MYH14: variants seen among roughly 807,000 people sequenced by gnomAD.
MYH14 encodes the protein myosin-14.
MYH14 carries 123 observed loss-of-function variants against 255.5 expected under a neutral mutation model. The ratio of observed to expected loss-of-function variants is 0.48; its 90% confidence interval spans 0.42 to 0.56. The LOEUF is 0.56. Ranked by LOEUF, MYH14 falls within the 20% of genes least tolerant of loss-of-function variation. MYH14 has a pLI of 0.00. For missense variants in MYH14, 2,423 were observed against 2,802.3 expected, an observed-to-expected ratio of 0.86 and a Z score of 3.06; for synonymous variants, 1,095 against 1,161.2, an observed-to-expected ratio of 0.94 and a Z score of 1.16.
intron 32 of MYH14, 33 bp from the exon 33 acceptor site, chr19:50,281,561 G>A (rs1007693326): frequency 6.5e-7 from 1 of 1,542,558 alleles, no homozygotes; most frequent in Non-Finnish European, 8.7e-7. Context: ...TCATGGCCGT[G>A]ACCACCAACC....
At position 50,236,419 on chromosome 19, in the gene MYH14, C is replaced by T. The variant is rs183275818; in HGVS notation, c.1114+4349C>T. 4.8e-3 allele frequency among the ~76,000 whole-genome samples: 722 copies of T among 150,468 alleles called. 7 individuals are homozygous for T. The highest frequency in any genetic ancestry group is 8.1e-3 in the Non-Finnish European group (550 of 67,496). Reference sequence around the variant, plus strand: ...GACCTGTAGGTTCAATTCTTAGAAACGAAATGCCAGCTGGGCGCGGTGGCT... The same window carrying T: ...GACCTGTAGGTTCAATTCTTAGAAATGAAATGCCAGCTGGGCGCGGTGGCT... On this transcript the variant is annotated intron_variant, in intron 10 of 42. Coordinates refer to ENST00000642316, the MANE Select transcript of MYH14 (RefSeq NM_001145809.2).
chr19:50,281,533 A>G (rs1190591743), intron 32 of MYH14, 61 bp from the exon 33 acceptor site: 2 of 1,513,398 alleles, frequency 1.3e-6, no homozygotes, highest in African/African-American at 1.4e-5. Flanking sequence ...GAGCACCACC[A>G]GCTTACACCT....
chr19:50,239,689 A>T (rs1186717283), intron 10 of MYH14, among the ~76,000 whole-genome samples: 1 of 152,114 alleles, frequency 6.6e-6, no homozygotes, highest in East Asian at 1.9e-4. Context: ...AGCTGGGACT[A>T]CAGGTGCCTG....
Position 50,264,965 on chromosome 19 carries a change from C to T in MYH14, c.2694+1545C>T, listed in dbSNP as rs142408097. Among the ~76,000 whole-genome samples, 5 of 152,280 alleles carry T rather than the reference C, an allele frequency of 3.3e-5. No individual in the cohort carries two copies. In the East Asian group the frequency reaches 7.7e-4, roughly 24 times the overall value. On this transcript the variant is annotated intron_variant, in intron 22 of 42. Coordinates refer to ENST00000642316, the MANE Select transcript of MYH14 (RefSeq NM_001145809.2). ...GGGGGCAGTAATGTAATTCTGAATA[C>T]GATGTCTGAGAGATCAGCCTGCATT...
chr19:50,289,371 T>C, intron 34 of MYH14, 65 bp from the exon 35 acceptor site: 1 of 1,341,356 alleles, frequency 7.5e-7, no homozygotes. Context: ...TCCCCTACTC[T>C]AGCTAGGCTC....
intron 10 of MYH14, among the ~76,000 whole-genome samples, chr19:50,235,019 T>C (rs1469213115): frequency 6.6e-6 from 1 of 152,172 alleles, no homozygotes; most frequent in Non-Finnish European, 1.5e-5. Flanking sequence ...CCACAGCTGA[T>C]GTTCAGCTGT....
At position 50,230,403 on chromosome 19, in the gene MYH14, G is replaced by C; in HGVS notation, c.875-122G>C. On this transcript the variant is annotated intron_variant, in intron 8 of 42. Transcript: ENST00000642316. The surrounding 1 kb of genome is among the most constrained non-coding windows in gnomAD (Gnocchi z 4.7). ...AGTGGCAAAGTCACCAGCCTGGGCTGTGAGCGACTCCACTACACCACAGGA... is the reference window on the plus strand; with the variant it reads ...AGTGGCAAAGTCACCAGCCTGGGCTCTGAGCGACTCCACTACACCACAGGA... 5 of 843,772 alleles carry C rather than the reference G, an allele frequency of 5.9e-6. No individual in the cohort carries two copies. 52.3% of individuals were successfully genotyped at this position (843,772 alleles called of 1,614,324 possible).
Position 50,276,826 on chromosome 19 carries a change from G to A in MYH14, c.3750G>A (p.Ala1250=), listed in dbSNP as rs777587978. ...AGGAGGAGACTCGCATCCACGAGGC[G>A]GCAGTGCAGGAGCTGAGGCAGCGCC... ...TLEEETRIHE[A]AVQELRQRHG... The change falls in exon 29 of 43, where the codon GCG becomes GCA. Residue 1250 remains alanine, a synonymous_variant. Transcript: ENST00000642316. This position sits in a 1 kb window ranked among gnomAD's most constrained non-coding sequence, Gnocchi z 4.3. 5.6e-6 allele frequency: 9 copies of A among 1,612,904 alleles called. No homozygotes were observed. The highest frequency in any genetic ancestry group is 2.7e-5 in the African/African-American group (2 of 74,860).
rs1425668670 is a variant in MYH14 at position 50,250,805 on chromosome 19, C to A, written c.1830+117C>A. 2.7e-6 allele frequency: 3 copies of A among 1,102,104 alleles called. No homozygotes were observed. Among genetic ancestry groups the A allele is most frequent in the Non-Finnish European group, 2.6e-6 (2 of 772,950 alleles). The allele number at this position is 1,102,104 out of a possible 1,614,324, so 68.3% of individuals were successfully genotyped here. A position where few individuals can be genotyped will look rare whatever the true frequency, so the allele number is the denominator to read the frequency against. ...AGGGTCCTCCTGAGGTCCAGACAAACAGAGCAGGGGCTAGGAGAGCCCAGG... is the reference window on the plus strand; with the variant it reads ...AGGGTCCTCCTGAGGTCCAGACAAAAAGAGCAGGGGCTAGGAGAGCCCAGG... On this transcript the variant is annotated intron_variant, in intron 15 of 42. Coordinates refer to ENST00000642316, the MANE Select transcript of MYH14 (RefSeq NM_001145809.2). The surrounding 1 kb of genome is among the most constrained non-coding windows in gnomAD (Gnocchi z 5.4).
chr19:50,303,416 G>C (rs2036557930), intron 40 of MYH14, among the ~76,000 whole-genome samples: 1 of 152,168 alleles, frequency 6.6e-6, no homozygotes, highest in African/African-American at 2.4e-5. Context: ...GGTTCTAAGA[G>C]CAAGGGAAAG....
chr19:50,309,263 A>G (rs2036762396), intron 42 of MYH14, 86 bp downstream of exon 42: 3 of 1,343,816 alleles, frequency 2.2e-6, no homozygotes, highest in Non-Finnish European at 3.2e-6. Flanking sequence ...GCCAGGGGCA[A>G]CAACAGGGGG....
At chr19:50,281,910 A>T in intron 33 of MYH14, 68 bp downstream of exon 33, 1 of 1,532,548 alleles carries the variant, frequency 6.5e-7, no homozygotes, top group Non-Finnish European at 8.9e-7. Flanking sequence ...GGTCGTTGTG[A>T]GGAACCAGTA....
chr19:50,249,872 C>T, intron 14 of MYH14, 49 bp downstream of exon 14: 1 of 1,603,130 alleles, frequency 6.2e-7, no homozygotes, highest in Non-Finnish European at 8.5e-7. Flanking sequence ...AGATCCGTCT[C>T]TCCCAGCATC....
chr19:50,272,446 TAAGG>T, intron 26 of MYH14, 110 bp from the exon 27 acceptor site: 1 of 1,107,986 alleles, frequency 9.0e-7, no homozygotes, highest in South Asian at 1.3e-5. Flanking sequence ...GAGAAGGCGT[TAAGG>T]GAGGTGCTGA....
Position 50,225,685 on chromosome 19 carries a change from CCAGGGGTGGGCAGTGCTGGCTGTGT to C in MYH14, c.810+14_810+38del, listed in dbSNP as rs578137368. 1.1e-4 allele frequency: 183 copies of C among 1,609,414 alleles called. No individual in the cohort carries two copies. In the African/African-American group the frequency reaches 1.9e-3, roughly 17 times the overall value. ...GACAACTCCTCCCGATTCGTGAGTG[CCAGGGGTGGGCAGTGCTGGCTGTGT>C]CAGGGATACAGGAGCTGGGAACCTC... On this transcript the variant is annotated intron_variant, in intron 7 of 42. Transcript: ENST00000642316.
In MYH14 at chr19:50,244,349, G is replaced by A. The variant is rs367560074; in HGVS notation, c.1210+12G>A. On this transcript the variant is annotated intron_variant, in intron 11 of 42. Transcript: ENST00000642316. ...GCCTGACAACACAGGTACTGCCCCC[G>A]GCCTGCCTGCCCACGACCTCCAGCC... 278 of 1,611,540 alleles carry A rather than the reference G, an allele frequency of 1.7e-4. No homozygotes were observed. Among genetic ancestry groups the A allele is most frequent in the Non-Finnish European group, 2.1e-4 (253 of 1,179,116 alleles).
intron 10 of MYH14, among the ~76,000 whole-genome samples, chr19:50,237,528 G>A (rs4447538): frequency 0.96 from 146,530 of 152,008 alleles, 70,677 homozygotes; most frequent in African/African-American, 0.99. Flanking sequence ...GGGTTTCACC[G>A]TGTTGGCCAG....
chr19:50,286,755 A>G (rs746599566), intron 34 of MYH14, 61 bp downstream of exon 34: 3 of 1,417,036 alleles, frequency 2.1e-6, no homozygotes, highest in Non-Finnish European at 2.9e-6. Flanking sequence ...ACATGCATGT[A>G]TGCTTTCACA....
rs867607264 is a variant in MYH14 at position 50,272,686 on chromosome 19, C to A, written c.3422C>A (p.Ala1141Asp). Residue 1141 changes from alanine to aspartate, a missense_variant, in exon 27 of 43, where the codon GCC (alanine) becomes GAC (aspartate). Ala to Asp is a moderately radical substitution (Grantham distance 126). Coordinates refer to ENST00000642316, the MANE Select transcript of MYH14 (RefSeq NM_001145809.2). ...CAACAGCGGGCAGAGGAGCTGCGGGCCCAGCTGGGCCGGAAGGAGGAGGAG... is the reference window on the plus strand; with the variant it reads ...CAACAGCGGGCAGAGGAGCTGCGGGACCAGCTGGGCCGGAAGGAGGAGGAG... ...EQQQRAEELR[A>D]QLGRKEEELQ... The A allele has an allele frequency of 6.4e-7, 1 of 1,552,554 alleles. No individual in the cohort carries two copies. Among genetic ancestry groups the A allele is most frequent in the Non-Finnish European group, 8.7e-7 (1 of 1,148,576 alleles).
Sources: gnomAD v4.1 joint callset for allele counts (sites outside exome capture counted in the v4.1 genomes callset) on GRCh38, gnomAD v4.1.1 for gene constraint, Gnocchi (gnomAD v3.1) non-coding constraint, MANE v1.5 for transcripts, NCBI Gene and HGNC (gene_info 2026-07-23, HGNC 2026-07-21) for gene names.